Variants in HS3ST4 observed in about 807,000 individuals in gnomAD.
HS3ST4 encodes heparan sulfate glucosamine 3-O-sulfotransferase 4.
HS3ST4 carries 17 observed loss-of-function variants against 29.2 expected under a neutral mutation model. The ratio of observed to expected loss-of-function variants is 0.58; its 90% CI spans 0.40 to 0.87. The LOEUF (loss-of-function observed/expected upper bound fraction) is 0.87. Among genes scored for constraint, HS3ST4 ranks in the 40% least tolerant of loss-of-function variants. The pLI, the probability that HS3ST4 is intolerant of heterozygous loss-of-function variation, is 0.00. For missense variants in HS3ST4, 627 were observed against 634.5 expected, an observed-to-expected ratio of 0.99 and a Z score of 0.13; for synonymous variants, 314 against 285.7, an observed-to-expected ratio of 1.10 and a Z score of -1.00.
intron 1 of HS3ST4, among the ~76,000 whole-genome samples, chr16:25,719,731 AC>A (rs1966480501): frequency 6.6e-6 from 1 of 152,208 alleles, no homozygotes; most frequent in Admixed American, 6.5e-5. Context: ...GCAGCCCTTA[AC>A]TTTTATGGGG....
intron 1 of HS3ST4, among the ~76,000 whole-genome samples, chr16:26,103,422 C>G (rs562235972): frequency 3.3e-5 from 5 of 152,242 alleles, no homozygotes; most frequent in African/African-American, 1.2e-4. Flanking sequence ...CAATCTGGAT[C>G]TGGAGCTCAC....
Position 25,827,533 on chromosome 16 carries a change from C to CAAA in HS3ST4, c.734+134394_734+134396dup, listed in dbSNP as rs11371550. 2.4e-3 allele frequency among the ~76,000 whole-genome samples: 327 copies of CAAA among 136,234 alleles called. 3 individuals carry two copies. Among genetic ancestry groups the CAAA allele is most frequent in the Middle Eastern group, 7.5e-3 (2 of 266 alleles). The allele number at this position is 136,234 out of a possible 152,430, so 89.4% of individuals were successfully genotyped here. On this transcript the variant is annotated intron_variant, in intron 1 of 1. Coordinates refer to ENST00000331351, the MANE Select transcript of HS3ST4 (RefSeq NM_006040.3). Reference sequence around the variant, plus strand: ...AATAAACAGAATAATGCTGTCTTCACAAAAAAAAAAAAAACAACAACAAGC... The same window carrying CAAA: ...AATAAACAGAATAATGCTGTCTTCACAAAAAAAAAAAAAAAAACAACAACAAGC...
At chr16:26,063,628 T>C (rs187844336) in intron 1 of HS3ST4, among the ~76,000 whole-genome samples, 210 of 152,166 alleles carry the variant, frequency 1.4e-3, no homozygotes, top group African/African-American at 4.7e-3. Context: ...CCTAGGAGTT[T>C]GAGGCTGCAG....
At chr16:26,128,955 A>G (rs7185758) in intron 1 of HS3ST4, among the ~76,000 whole-genome samples, 1,848 of 152,268 alleles carry the variant, frequency 0.012, 47 homozygotes, top group African/African-American at 0.042. Context: ...TTTATGCACC[A>G]TTTGTTCCAC....
chr16:25,779,445 C>G (rs1966850686), intron 1 of HS3ST4, among the ~76,000 whole-genome samples: 2 of 152,178 alleles, frequency 1.3e-5, no homozygotes, highest in Non-Finnish European at 2.9e-5. Flanking sequence ...CATATTCTTT[C>G]CTTTGTACCA....
intron 1 of HS3ST4, among the ~76,000 whole-genome samples, chr16:25,999,897 T>TTTTTA (rs1555477424): frequency 1.5e-5 from 2 of 131,882 alleles, no homozygotes; most frequent in African/African-American, 5.7e-5. Flanking sequence ...TATATATATT[T>TTTTTA]TATATATATA....
intron 1 of HS3ST4, among the ~76,000 whole-genome samples, chr16:25,703,310 A>G (rs549402965): frequency 4.7e-4 from 71 of 152,314 alleles, no homozygotes; most frequent in African/African-American, 1.4e-3. Context: ...ATCTGATGGA[A>G]TAACAGTCGC....
chr16:26,041,772 C>T (rs1159168649), intron 1 of HS3ST4, among the ~76,000 whole-genome samples: 4 of 152,202 alleles, frequency 2.6e-5, no homozygotes, highest in Non-Finnish European at 4.4e-5. Flanking sequence ...GGCCTCTGAG[C>T]CAATAGCACC....
At chr16:25,818,527 G>GT (rs1240304787) in intron 1 of HS3ST4, among the ~76,000 whole-genome samples, 16 of 152,274 alleles carry the variant, frequency 1.1e-4, no homozygotes, top group South Asian at 1.0e-3. Flanking sequence ...TGTCACTAGG[G>GT]TTGCAAAACA....
intron 1 of HS3ST4, among the ~76,000 whole-genome samples, chr16:26,118,588 C>A (rs954408517): frequency 1.3e-5 from 2 of 152,130 alleles, no homozygotes; most frequent in Non-Finnish European, 2.9e-5. Context: ...TAATTTTATT[C>A]AATTTTAGTT....
chr16:25,828,201 C>A (rs1018737596), intron 1 of HS3ST4, among the ~76,000 whole-genome samples: 5 of 125,434 alleles, frequency 4.0e-5, no homozygotes, highest in African/African-American at 1.5e-4. Context: ...TCTTTTCTTT[C>A]TTTCTTGCTT....
intron 1 of HS3ST4, among the ~76,000 whole-genome samples, chr16:26,122,915 G>A (rs531969359): frequency 1.1e-4 from 16 of 152,194 alleles, no homozygotes; most frequent in African/African-American, 3.1e-4. Flanking sequence ...TCAGCTGGGC[G>A]TGGTGGCGGG....
intron 1 of HS3ST4, among the ~76,000 whole-genome samples, chr16:26,116,616 TAG>T (rs761045451): frequency 4.6e-5 from 7 of 152,242 alleles, no homozygotes; most frequent in Non-Finnish European, 7.3e-5. Context: ...CTGATAATGA[TAG>T]AGTGTCATCA....
chr16:26,121,493 G>A (rs544048581), intron 1 of HS3ST4, among the ~76,000 whole-genome samples: 7 of 152,280 alleles, frequency 4.6e-5, no homozygotes, highest in Middle Eastern at 6.8e-3. Context: ...TGAGGCTGCA[G>A]GACTCAGACC....
intron 1 of HS3ST4, among the ~76,000 whole-genome samples, chr16:25,964,445 G>T (rs559074873): frequency 6.6e-6 from 1 of 152,042 alleles, no homozygotes; most frequent in Admixed American, 6.6e-5. Flanking sequence ...GAAAGTGTAC[G>T]TACCATTGAG....
chr16:25,939,802 G>A (rs1968555217), intron 1 of HS3ST4, among the ~76,000 whole-genome samples: 1 of 152,128 alleles, frequency 6.6e-6, no homozygotes, highest in African/African-American at 2.4e-5. Flanking sequence ...CAAAAATAGG[G>A]CAGCCAGAAT....
At chr16:26,051,197 C>G (rs1463929343) in intron 1 of HS3ST4, among the ~76,000 whole-genome samples, 2 of 152,102 alleles carry the variant, frequency 1.3e-5, no homozygotes, top group African/African-American at 4.8e-5. Context: ...TTTGCAATCT[C>G]CCTTCCTGTG....
chr16:25,812,391 G>A (rs917422576), intron 1 of HS3ST4, among the ~76,000 whole-genome samples: 1 of 152,166 alleles, frequency 6.6e-6, no homozygotes, highest in East Asian at 1.9e-4. Flanking sequence ...CCTTCCTGCT[G>A]TGCAGCAACT....
chr16:25,751,619 G>T (rs1404909289), intron 1 of HS3ST4, among the ~76,000 whole-genome samples: 1 of 152,140 alleles, frequency 6.6e-6, no homozygotes, highest in Non-Finnish European at 1.5e-5. Flanking sequence ...TAACAGACCT[G>T]CATTTCACTC....
Sources: gnomAD v4.1 joint callset for allele counts (sites outside exome capture counted in the v4.1 genomes callset) on GRCh38, gnomAD v4.1.1 for gene constraint, MANE v1.5 for transcripts, NCBI Gene and HGNC (gene_info 2026-07-23, HGNC 2026-07-21) for gene names.